Variants in MRM1 observed in about 807,000 individuals in gnomAD.
MRM1 encodes the protein mitochondrial rRNA methyltransferase 1, also known as rRNA methyltransferase 1, mitochondrial.
In MRM1, 24 loss-of-function variants were observed where a neutral mutation model predicts 25.0. The observed-to-expected ratio is 0.96, with a 90% CI of 0.69 to 1.35. The LOEUF (loss-of-function observed/expected upper bound fraction) is 1.35. Among genes scored for constraint, MRM1 ranks in the 40% most tolerant of loss-of-function variants. The pLI is 0.00. For missense variants in MRM1, 431 were observed against 464.1 expected (o/e 0.93, Z 0.65); for synonymous variants, 188 against 199.2 (o/e 0.94, Z 0.47).
At position 36,601,592 on chromosome 17, in the gene MRM1, A is replaced by C; in HGVS notation, c.-219A>C. 2.2e-6 allele frequency: 1 copy of C among 454,486 alleles called. No individual in the cohort carries two copies. Among genetic ancestry groups the C allele is most frequent in the Non-Finnish European group, 3.8e-6 (1 of 262,806 alleles). 28.2% of individuals were successfully genotyped at this position (454,486 alleles called of 1,614,324 possible). A position where few individuals can be genotyped will look rare whatever the true frequency, so the allele number is the denominator to read the frequency against. On this transcript the variant is annotated 5_prime_UTR_variant, in exon 1 of 5. Transcript: ENST00000614766. ...GGAGGGGCGGGCTCCCGAACCCGGA[A>C]GCGAGGGACCCACGTGGGAGCCTGG...
chr17:36,626,507 C>T, the MRM1 span, among the ~76,000 whole-genome samples: 1 of 152,050 alleles, frequency 6.6e-6, no homozygotes, highest in East Asian at 1.9e-4. Context: ...TGATTACAGG[C>T]GCCCACTACC....
At chr17:36,606,908 G>GTT (rs1476948244) in intron 2 of MRM1, among the ~76,000 whole-genome samples, 1,535 of 141,398 alleles carry the variant, frequency 0.011, 43 homozygotes, top group African/African-American at 0.029. Context: ...ACTGCGCCTG[G>GTT]TTTTTTGTTT....
the MRM1 span, among the ~76,000 whole-genome samples, chr17:36,633,382 G>C: frequency 6.6e-6 from 1 of 152,204 alleles, no homozygotes; most frequent in Non-Finnish European, 1.5e-5. Context: ...CCTTGGGTCC[G>C]TGAGGGAAGA....
At chr17:36,619,194 G>A in the MRM1 span, among the ~76,000 whole-genome samples, 2 of 152,192 alleles carry the variant, frequency 1.3e-5, no homozygotes, top group African/African-American at 4.8e-5. Flanking sequence ...TTCAAGGTTT[G>A]TCCATATTGT....
chr17:36,613,318 T>TC (rs1157066428), downstream of MRM1, among the ~76,000 whole-genome samples: 3 of 152,202 alleles, frequency 2.0e-5, no homozygotes, highest in African/African-American at 7.2e-5. Context: ...GTGCCAGGGA[T>TC]CCCCACAGTT....
At chr17:36,612,323 T>C (rs180962686), downstream of MRM1, among the ~76,000 whole-genome samples, 6 of 152,296 alleles carry the variant, frequency 3.9e-5, no homozygotes, top group Middle Eastern at 0.014. Context: ...CCAAAGGGGA[T>C]TGAGGCTTAA....
chr17:36,602,717 C>T lies in MRM1; in HGVS notation c.636+71C>T. 4 of 1,562,630 alleles carry T rather than the reference C, an allele frequency of 2.6e-6. No individual in the cohort carries two copies. The highest frequency in any genetic ancestry group is 3.5e-6 in the Non-Finnish European group (4 of 1,134,910). On this transcript the variant is annotated intron_variant, in intron 2 of 4. Transcript: ENST00000614766. The surrounding 1 kb of genome is among the most constrained non-coding windows in gnomAD (Gnocchi z 4.1). Reference sequence around the variant, plus strand: ...GCCTCTTCAAGGGGACGAAGCTAGCCCCTGGCGAGGGAGAGAAAGGGGCAT... The same window carrying T: ...GCCTCTTCAAGGGGACGAAGCTAGCTCCTGGCGAGGGAGAGAAAGGGGCAT...
the MRM1 span, among the ~76,000 whole-genome samples, chr17:36,614,141 A>G: frequency 6.6e-6 from 1 of 152,006 alleles, no homozygotes; most frequent in Non-Finnish European, 1.5e-5. Flanking sequence ...AAAATGCCCA[A>G]GAACGCCTCC....
At chr17:36,625,628 A>C in the MRM1 span, among the ~76,000 whole-genome samples, 2 of 151,530 alleles carry the variant, frequency 1.3e-5, no homozygotes, top group African/African-American at 4.9e-5. Flanking sequence ...CGCCTGGCTA[A>C]TTTTTGTATT....
At chr17:36,610,026 A>G (rs2074966055), downstream of MRM1, among the ~76,000 whole-genome samples, 1 of 145,542 alleles carries the variant, frequency 6.9e-6, no homozygotes, top group Admixed American at 6.9e-5. Context: ...CCCAGGTTCA[A>G]GTGATTCTCC....
At chr17:36,605,633 G>GTTGTTA (rs1262440012) in intron 2 of MRM1, among the ~76,000 whole-genome samples, 1 of 150,900 alleles carries the variant, frequency 6.6e-6, no homozygotes, top group Non-Finnish European at 1.5e-5. Context: ...CTGCACAGTT[G>GTTGTTA]TTGTTATTGT....
chr17:36,619,244 A>G, the MRM1 span, among the ~76,000 whole-genome samples: 2 of 152,226 alleles, frequency 1.3e-5, no homozygotes, highest in African/African-American at 4.8e-5. Flanking sequence ...AGACTGAATA[A>G]TATTTCATTG....
At position 36,601,884 on chromosome 17, in the gene MRM1, G is replaced by A. The variant is rs371182393; in HGVS notation, c.74G>A (p.Arg25Gln). ...LVTRHFSHAARHGERPGGEEL... is the reference protein window; with the variant it reads ...LVTRHFSHAAQHGERPGGEEL... ...ACCCGTCATTTCTCCCATGCAGCGC[G>A]GCATGGGGAGCGGCCTGGTGGGGAG... Residue 25 changes from arginine to glutamine, a missense_variant, in exon 1 of 5, where the codon CGG becomes CAG. By Grantham distance (43) the Arg-to-Gln change is conservative. Coordinates refer to ENST00000614766, the MANE Select transcript of MRM1 (RefSeq NM_024864.5). 1.9e-6 allele frequency: 3 copies of A among 1,609,540 alleles called. No individual in the cohort carries two copies. The highest frequency in any genetic ancestry group is 2.5e-6 in the Non-Finnish European group (3 of 1,179,126).
In MRM1 at chr17:36,602,618, C is replaced by G. The variant is rs1471557655; in HGVS notation, c.608C>G (p.Ser203Cys). Residue 203 changes from serine to cysteine, a missense_variant, in exon 2 of 5, where the codon TCC (serine) becomes TGC (cysteine). Ser to Cys is a moderately radical substitution (Grantham distance 112, BLOSUM62 -1). Transcript: ENST00000614766. This position sits in a 1 kb window ranked among gnomAD's most constrained non-coding sequence, Gnocchi z 4.1. ...AGAMEVMDVF[S>C]TDDLTGFLQT... The stretch of plus-strand genomic sequence containing the variant: ...GCTATGGAGGTGATGGACGTGTTCT[C>G]CACTGATGACCTCACCGGATTTTTA... 6.2e-7 allele frequency: 1 copy of G among 1,614,042 alleles called. No homozygotes were observed. Among genetic ancestry groups the G allele is most frequent in the Non-Finnish European group, 8.5e-7 (1 of 1,180,034 alleles).
At chr17:36,619,957 G>A in the MRM1 span, among the ~76,000 whole-genome samples, 2 of 152,098 alleles carry the variant, frequency 1.3e-5, no homozygotes, top group East Asian at 3.9e-4. Flanking sequence ...GTGATGTCGG[G>A]CATCTTTTCA....
At chr17:36,630,757 G>A in the MRM1 span, among the ~76,000 whole-genome samples, 5 of 152,174 alleles carry the variant, frequency 3.3e-5, no homozygotes, top group African/African-American at 1.2e-4. Context: ...CGAGGAGTTA[G>A]GAGATGGGCA....
At chr17:36,623,658 T>C in the MRM1 span, among the ~76,000 whole-genome samples, 1 of 152,208 alleles carries the variant, frequency 6.6e-6, no homozygotes, top group Non-Finnish European at 1.5e-5. Flanking sequence ...CTGGGACCCC[T>C]GCCCAGGTAG....
the MRM1 span, among the ~76,000 whole-genome samples, chr17:36,632,097 C>T: frequency 2.0e-5 from 3 of 151,978 alleles, no homozygotes; most frequent in African/African-American, 4.8e-5. Context: ...TCAGGTGATC[C>T]GCCCGCCTTG....
chr17:36,616,591 A>G, the MRM1 span, among the ~76,000 whole-genome samples: 3 of 152,214 alleles, frequency 2.0e-5, no homozygotes, highest in African/African-American at 7.2e-5. Flanking sequence ...GTCTCGCTTC[A>G]GTGAGTGTGC....
Sources: allele counts gnomAD v4.1 joint callset (sites outside exome capture counted in the v4.1 genomes callset), GRCh38; gene constraint gnomAD v4.1.1; non-coding constraint Gnocchi (gnomAD v3.1); transcripts MANE v1.5; gene names NCBI Gene and HGNC (gene_info 2026-07-23, HGNC 2026-07-21).